The following IQCM variants were observed in gnomAD, a reference collection of about 807,000 sequenced individuals.
The protein encoded by IQCM is IQ motif containing M.
Under a neutral mutation model 57.6 loss-of-function variants are expected in IQCM, and 45 were observed. The observed-to-expected ratio is 0.78, with a 90% CI of 0.62 to 1.00. The LOEUF is 1.00. Ranked by LOEUF, IQCM falls within the 50% of genes least tolerant of loss-of-function variation. The probability of loss-of-function intolerance (pLI) is 0.00; values close to 1 mark genes in which losing one functional copy is unlikely to be tolerated. For synonymous variants in IQCM, 148 were observed against 158.9 expected (o/e 0.93, Z 0.51); for missense variants, 468 against 511.6 (o/e 0.91, Z 0.82).
intron 13 of IQCM, among the ~76,000 whole-genome samples, chr4:149,362,779 A>C (rs1266692762): frequency 6.6e-6 from 1 of 152,204 alleles, no homozygotes; most frequent in Non-Finnish European, 1.5e-5. Context: ...CGTTTTGTGT[A>C]CTTCAGAATT....
At chr4:149,366,314 T>C (rs1471887358) in intron 13 of IQCM, among the ~76,000 whole-genome samples, 2 of 151,962 alleles carry the variant, frequency 1.3e-5, no homozygotes, top group Admixed American at 6.6e-5. Context: ...TTTAGAAACA[T>C]AATGGCAAAA....
intron 2 of IQCM, among the ~76,000 whole-genome samples, chr4:149,777,919 C>A: frequency 6.6e-6 from 1 of 151,076 alleles, no homozygotes. Flanking sequence ...AGATGCAGAC[C>A]AAAAACAAAA....
chr4:149,724,601 C>G (rs914483455), intron 5 of IQCM, among the ~76,000 whole-genome samples: 6 of 151,804 alleles, frequency 4.0e-5, no homozygotes, highest in Non-Finnish European at 2.9e-5. Context: ...AACTCACACA[C>G]TCATACATAT....
At chr4:149,422,002 T>C (rs1055484735) in intron 13 of IQCM, among the ~76,000 whole-genome samples, 2 of 152,028 alleles carry the variant, frequency 1.3e-5, no homozygotes, top group Non-Finnish European at 2.9e-5. Flanking sequence ...TCAAATGTTC[T>C]AATTTAACTG....
intron 5 of IQCM, among the ~76,000 whole-genome samples, chr4:149,704,076 T>G (rs1763973709): frequency 6.6e-6 from 1 of 151,900 alleles, no homozygotes; most frequent in Non-Finnish European, 1.5e-5. Context: ...AAAAAAAATT[T>G]TCACCAGCTA....
At chr4:149,814,079 G>C (rs1774831334) in intron 2 of IQCM, among the ~76,000 whole-genome samples, 1 of 151,978 alleles carries the variant, frequency 6.6e-6, no homozygotes, top group African/African-American at 2.4e-5. Context: ...AAAGTAAACA[G>C]GAGACTCTCT....
chr4:149,752,874 C>T (rs1036748531), intron 2 of IQCM, among the ~76,000 whole-genome samples: 1 of 152,176 alleles, frequency 6.6e-6, no homozygotes, highest in African/African-American at 2.4e-5. Flanking sequence ...GGGGTTATCA[C>T]AAGCTCCATA....
intron 2 of IQCM, among the ~76,000 whole-genome samples, chr4:149,762,133 C>T (rs1317907826): frequency 6.6e-6 from 1 of 150,696 alleles, no homozygotes; most frequent in African/African-American, 2.4e-5. Context: ...GTGTGAGACA[C>T]AAGAGGTCAT....
chr4:149,682,692 C>T (rs1405932868), intron 6 of IQCM, among the ~76,000 whole-genome samples: 2 of 151,062 alleles, frequency 1.3e-5, no homozygotes, highest in East Asian at 3.9e-4. Flanking sequence ...ATTGCAAACC[C>T]TTCAATGCTT....
chr4:149,777,418 A>T (rs1001694653), intron 2 of IQCM, among the ~76,000 whole-genome samples: 1 of 152,178 alleles, frequency 6.6e-6, no homozygotes. Flanking sequence ...AGCCCATTTT[A>T]TATGCCTGTT....
At position 149,725,147 on chromosome 4, in the gene IQCM, G is replaced by C. The variant is rs148336246; in HGVS notation, c.385+8097C>G. Among the ~76,000 whole-genome samples, 488 of 152,234 alleles carry C rather than the reference G, an allele frequency of 3.2e-3. 3 individuals are homozygous for C. The highest frequency in any genetic ancestry group is 0.011 in the African/African-American group (444 of 41,562). ...ATAATTGTTACAGGGTATTCTTTAA[G>C]TTGATATCCTTGGATCAAATTCAAG... On this transcript the variant is annotated intron_variant, in intron 5 of 13. Transcript: ENST00000636793.
chr4:149,680,419 G>A (rs775301132), intron 7 of IQCM, among the ~76,000 whole-genome samples: 8 of 151,054 alleles, frequency 5.3e-5, no homozygotes, highest in Non-Finnish European at 1.2e-4. Flanking sequence ...AAAAAGAACT[G>A]TAAAAAATAG....
intron 7 of IQCM, among the ~76,000 whole-genome samples, chr4:149,655,385 C>T (rs2150141909): frequency 6.6e-6 from 1 of 152,194 alleles, no homozygotes; most frequent in South Asian, 2.1e-4. Flanking sequence ...TTGCTGAACA[C>T]TTTTAATAAC....
intron 12 of IQCM, among the ~76,000 whole-genome samples, chr4:149,445,105 T>C (rs1466246359): frequency 6.6e-6 from 1 of 151,894 alleles, no homozygotes; most frequent in African/African-American, 2.4e-5. Context: ...AAGAGACATT[T>C]TGGTGACAAT....
At chr4:149,425,080 G>GT (rs1018386304) in intron 13 of IQCM, among the ~76,000 whole-genome samples, 3 of 151,868 alleles carry the variant, frequency 2.0e-5, no homozygotes, top group Non-Finnish European at 4.4e-5. Context: ...ATCTCTCTCT[G>GT]TAAAATGAGC....
chr4:149,813,023 C>A (rs1333218466), intron 2 of IQCM, among the ~76,000 whole-genome samples: 1 of 152,146 alleles, frequency 6.6e-6, no homozygotes, highest in Admixed American at 6.6e-5. Context: ...CCTCGGTGAA[C>A]TTTTTCATTG....
At chr4:149,379,786 T>C (rs1730951132) in intron 13 of IQCM, among the ~76,000 whole-genome samples, 1 of 152,178 alleles carries the variant, frequency 6.6e-6, no homozygotes, top group African/African-American at 2.4e-5. Context: ...TTTTGAAATG[T>C]GAAGATATGA....
chr4:149,799,791 A>C (rs2150046482), intron 2 of IQCM, among the ~76,000 whole-genome samples: 1 of 151,770 alleles, frequency 6.6e-6, no homozygotes, highest in South Asian at 2.1e-4. Flanking sequence ...GAAATCCAAA[A>C]CCTGATCAGA....
intron 12 of IQCM, among the ~76,000 whole-genome samples, chr4:149,473,623 G>A (rs1370274321): frequency 6.6e-6 from 1 of 152,156 alleles, no homozygotes; most frequent in Non-Finnish European, 1.5e-5. Context: ...TCCCATTACT[G>A]GGTATACACC....
Sources: gnomAD v4.1 joint callset for allele counts (sites outside exome capture counted in the v4.1 genomes callset) on GRCh38, gnomAD v4.1.1 for gene constraint, MANE v1.5 for transcripts, NCBI Gene and HGNC (gene_info 2026-07-23, HGNC 2026-07-21) for gene names.